SSBP3: variants seen among roughly 807,000 people sequenced by gnomAD.
The protein encoded by SSBP3 is single-stranded DNA-binding protein 3.
In SSBP3, 5 loss-of-function variants were observed where a neutral mutation model predicts 69.6. The ratio of observed to expected loss-of-function variants is 0.07; its 90% CI spans 0.04 to 0.15. SSBP3 has a LOEUF of 0.15. Ranked by LOEUF, SSBP3 falls within the 10% of genes least tolerant of loss-of-function variation. The probability of loss-of-function intolerance (pLI) is 1.00; values close to 1 mark genes in which losing one functional copy is unlikely to be tolerated. For missense variants in SSBP3, 312 were observed against 534.0 expected (o/e 0.58, Z 4.10); for synonymous variants, 196 against 193.4 (o/e 1.01, Z -0.11).
chr1:54,235,794 A>C (rs1420371991), intron 14 of SSBP3, among the ~76,000 whole-genome samples: 1 of 152,192 alleles, frequency 6.6e-6, no homozygotes, highest in East Asian at 1.9e-4. Context: ...GGATGTTATA[A>C]ATTAAAATTG....
chr1:54,336,949 C>T (rs1164807419), intron 4 of SSBP3, among the ~76,000 whole-genome samples: 1 of 152,164 alleles, frequency 6.6e-6, no homozygotes, highest in African/African-American at 2.4e-5. Flanking sequence ...GGGGAGGTCC[C>T]GCGCAGAATC....
At chr1:54,389,506 C>A (rs747055968) in intron 4 of SSBP3, among the ~76,000 whole-genome samples, 1 of 152,028 alleles carries the variant, frequency 6.6e-6, no homozygotes, top group Non-Finnish European at 1.5e-5. Context: ...GTCCTGCCAG[C>A]CTCAGCATCA....
chr1:54,273,045 G>A (rs113638633), intron 5 of SSBP3, among the ~76,000 whole-genome samples: 299 of 152,370 alleles, frequency 2.0e-3, no homozygotes, highest in African/African-American at 6.6e-3. Context: ...GGGAGGCCAG[G>A]AGGACGTGGT....
chr1:54,326,946 C>T (rs551483089), intron 4 of SSBP3, among the ~76,000 whole-genome samples: 32 of 151,502 alleles, frequency 2.1e-4, no homozygotes, highest in East Asian at 7.8e-4. Flanking sequence ...ACCTAGGAAA[C>T]GGGGCCAAGG....
intron 13 of SSBP3, among the ~76,000 whole-genome samples, chr1:54,239,429 A>G (rs1329251841): frequency 1.3e-5 from 2 of 152,256 alleles, no homozygotes; most frequent in African/African-American, 4.8e-5. Context: ...GCACAGGGGG[A>G]TTACGGGTTC....
At chr1:54,364,181 C>T (rs1374114922) in intron 4 of SSBP3, among the ~76,000 whole-genome samples, 1 of 152,178 alleles carries the variant, frequency 6.6e-6, no homozygotes. Flanking sequence ...CATTTCTGTC[C>T]TGTCTATGGC....
intron 7 of SSBP3, among the ~76,000 whole-genome samples, chr1:54,253,109 G>C (rs556179707): frequency 3.9e-5 from 6 of 151,932 alleles, no homozygotes; most frequent in African/African-American, 1.5e-4. Context: ...GTTAAGGTAC[G>C]AGAGGATTGT....
intron 4 of SSBP3, among the ~76,000 whole-genome samples, chr1:54,375,045 T>C: frequency 6.6e-6 from 1 of 152,022 alleles, no homozygotes; most frequent in East Asian, 1.9e-4. Flanking sequence ...AAAAAGGCAG[T>C]AGAGGAGGCT....
At chr1:54,233,477 T>C (rs181019996) in intron 14 of SSBP3, among the ~76,000 whole-genome samples, 4,198 of 148,486 alleles carry the variant, frequency 0.028, 198 homozygotes, top group African/African-American at 0.1. Flanking sequence ...CCACACCGTC[T>C]GGGAGGGAGG....
At chr1:54,301,421 C>A in intron 4 of SSBP3, among the ~76,000 whole-genome samples, 1 of 152,194 alleles carries the variant, frequency 6.6e-6, no homozygotes, top group Non-Finnish European at 1.5e-5. Context: ...TGAGTTTCTG[C>A]AGACTGTGCC....
intron 4 of SSBP3, among the ~76,000 whole-genome samples, chr1:54,367,380 T>TGCC (rs1163394703): frequency 6.6e-6 from 1 of 152,200 alleles, no homozygotes; most frequent in Non-Finnish European, 1.5e-5. Context: ...GTCTCTGTAG[T>TGCC]CCAATCTGTG....
chr1:54,405,922 G>A lies in SSBP3; in HGVS notation c.56+31C>T, dbSNP rs1197025193. On this transcript the variant is annotated intron_variant, in intron 1 of 17. Coordinates refer to ENST00000610401, the Ensembl canonical transcript of SSBP3. ...CCCGCCCGCCCGCAGCCCGGCGGCG[G>A]CGCGGCCGCCACTTGCAAAATAGGG... is the stretch of plus-strand genomic sequence containing the variant. The A allele has an allele frequency of 5.8e-6, 7 of 1,208,782 alleles. No individual in the cohort carries two copies. In the African/African-American group the frequency reaches 6.7e-5, roughly 12 times the overall value. The allele number at this position is 1,208,782 out of a possible 1,614,324, so 74.9% of individuals were successfully genotyped here. A position where few individuals can be genotyped will look rare whatever the true frequency, so the allele number is the denominator to read the frequency against.
intron 13 of SSBP3, among the ~76,000 whole-genome samples, chr1:54,240,087 T>TGTGTGTGTGTGTGTGTGTGTGC (rs1159547661): frequency 2.4e-5 from 1 of 42,358 alleles, no homozygotes; most frequent in Non-Finnish European, 4.2e-5. Flanking sequence ...TGTGTGTGTG[T>TGTGTGTGTGTGTGTGTGTGTGC]GCGCGCGCGC....
At chr1:54,234,752 C>T in intron 14 of SSBP3, among the ~76,000 whole-genome samples, 1 of 150,510 alleles carries the variant, frequency 6.6e-6, no homozygotes, top group East Asian at 2.0e-4. Flanking sequence ...GCCTTTAGGA[C>T]ATCCTTTTTA....
chr1:54,401,994 G>A, intron 3 of SSBP3, 49 bp from the exon 4 acceptor site: 1 of 1,534,754 alleles, frequency 6.5e-7, no homozygotes. Flanking sequence ...TATTACTTGT[G>A]TACACAAGGG....
At chr1:54,376,784 TCTGTCCCGACAAC>T (rs1341886125) in intron 4 of SSBP3, among the ~76,000 whole-genome samples, 2 of 152,182 alleles carry the variant, frequency 1.3e-5, no homozygotes, top group African/African-American at 4.8e-5. Context: ...GCGATGCAAA[TCTGTCCCGACAAC>T]CTGGGCACCC....
chr1:54,233,098 C>G (rs1041082943), intron 14 of SSBP3, among the ~76,000 whole-genome samples: 1 of 149,692 alleles, frequency 6.7e-6, no homozygotes, highest in African/African-American at 2.5e-5. Context: ...AAGTGAGGAG[C>G]GTCTCCGCCC....
At chr1:54,381,382 CAAA>C (rs59809996) in intron 4 of SSBP3, among the ~76,000 whole-genome samples, 249 of 69,428 alleles carry the variant, frequency 3.6e-3, no homozygotes, top group East Asian at 9.8e-3. Flanking sequence ...TACACCATCT[CAAA>C]AAAAAAAAAA....
upstream of SSBP3, among the ~76,000 whole-genome samples, chr1:54,408,202 G>A (rs182111111): frequency 1.4e-3 from 219 of 152,316 alleles, 2 homozygotes; most frequent in African/African-American, 5.1e-3. Flanking sequence ...GGGCGTCTGT[G>A]CGCTAGTCCC....
Sources: gnomAD v4.1 joint callset for allele counts (sites outside exome capture counted in the v4.1 genomes callset) on GRCh38, gnomAD v4.1.1 for gene constraint, MANE v1.5 for transcripts, NCBI Gene and HGNC (gene_info 2026-07-23, HGNC 2026-07-21) for gene names.